The following DENND5A variants were observed in gnomAD, a reference collection of about 807,000 sequenced individuals.
DENND5A encodes DENN domain-containing protein 5A.
DENND5A carries 64 observed loss-of-function variants against 140.3 expected under a neutral mutation model. The observed-to-expected ratio is 0.46, with a 90% CI of 0.37 to 0.56. The LOEUF is 0.56. Ranked by LOEUF, DENND5A falls within the 20% of genes least tolerant of loss-of-function variation. The probability of loss-of-function intolerance (pLI) is 0.00; values close to 1 mark genes in which losing one functional copy is unlikely to be tolerated. For missense variants in DENND5A, 1,292 were observed against 1,593.8 expected (o/e 0.81, Z 3.22); for synonymous variants, 605 against 607.7 (o/e 1.00, Z 0.07).
intron 1 of DENND5A, among the ~76,000 whole-genome samples, chr11:9,213,958 G>C (rs1271624665): frequency 1.3e-5 from 2 of 152,090 alleles, no homozygotes; most frequent in African/African-American, 4.8e-5. Context: ...TCTGCAGCAA[G>C]AGTGATGAAA....
rs777452245 is a variant in DENND5A, at chr11:9,204,065, C to T, written c.544G>A (p.Asp182Asn). The T allele has an allele frequency of 2.5e-5, 40 of 1,614,076 alleles. No homozygotes were observed. Among genetic ancestry groups the T allele is most frequent in the Admixed American group, 1.3e-4 (8 of 59,986 alleles). Reference protein sequence around the residue: ...RDQSSMEDGEDTPVTKLQRFN... With the variant: ...RDQSSMEDGENTPVTKLQRFN... ...CGCTGCAGTTTGGTCACAGGAGTGT[C>T]TTCACCATCCTCCATGCTGCTCTGG... The change falls in exon 4 of 23, where the codon GAC becomes AAC. Residue 182 changes from aspartate to asparagine, a missense_variant. Physicochemically the swap from Asp to Asn is conservative, Grantham distance 23. Around this residue, in one of 4 missense-constraint regions of DENND5A, gnomAD observed 566 missense variants for 650.4 expected, o/e 0.87. Transcript: ENST00000328194.
At chr11:9,252,030 T>C (rs998315017) in intron 1 of DENND5A, among the ~76,000 whole-genome samples, 3 of 149,884 alleles carry the variant, frequency 2.0e-5, no homozygotes, top group Non-Finnish European at 3.0e-5. Context: ...CCAGGTGCAG[T>C]GGCTCATGCC....
intron 1 of DENND5A, among the ~76,000 whole-genome samples, chr11:9,246,278 A>G (rs944165469): frequency 6.6e-6 from 1 of 152,144 alleles, no homozygotes; most frequent in Non-Finnish European, 1.5e-5. Context: ...AGAAATTCAG[A>G]CACCCACTGA....
chr11:9,146,102 AAACAATATCCCC>A (rs1452031452), intron 16 of DENND5A, among the ~76,000 whole-genome samples: 1 of 152,252 alleles, frequency 6.6e-6, no homozygotes, highest in Non-Finnish European at 1.5e-5. Flanking sequence ...CCTGTTCGTT[AAACAATATCCCC>A]AACTCCTAAC....
At chr11:9,148,866 G>A (rs1452672118) in intron 15 of DENND5A, among the ~76,000 whole-genome samples, 2 of 152,166 alleles carry the variant, frequency 1.3e-5, no homozygotes, top group African/African-American at 4.8e-5. Context: ...AGAGGTGAGA[G>A]AAGTCATGAG....
chr11:9,227,896 G>A (rs1850597679), intron 1 of DENND5A, among the ~76,000 whole-genome samples: 1 of 151,758 alleles, frequency 6.6e-6, no homozygotes, highest in African/African-American at 2.4e-5. Flanking sequence ...GGCGAATCAC[G>A]AGGTCAGGGG....
Position 9,168,541 on chromosome 11 carries a change from A to G in DENND5A, c.2151+1315T>C, listed in dbSNP as rs942888136. ...TTCTGACCAAGAAAATGTGGTCAAT[A>G]AACACTGCTGAAAATAGTAATGAGG... is the stretch of plus-strand genomic sequence containing the variant. On this transcript the variant is annotated intron_variant, in intron 10 of 22. Coordinates refer to ENST00000328194, the MANE Select transcript of DENND5A (RefSeq NM_015213.4). Among the ~76,000 whole-genome samples, 5 of 152,190 alleles carry G rather than the reference A, an allele frequency of 3.3e-5. No homozygotes were observed. In the East Asian group the frequency reaches 9.6e-4, roughly 29 times the overall value.
chr11:9,229,925 G>C (rs1331474708), intron 1 of DENND5A, among the ~76,000 whole-genome samples: 1 of 22,068 alleles, frequency 4.5e-5, no homozygotes, highest in African/African-American at 1.9e-4. Context: ...TTTTTTTTTT[G>C]AGACAGTCTT....
intron 8 of DENND5A, chr11:9,176,800 C>G (rs930995864): frequency 7.1e-6 from 3 of 424,906 alleles, no homozygotes; most frequent in Non-Finnish European, 4.7e-6. Context: ...TTCTTTCTTG[C>G]TCATAGACCT....
intron 1 of DENND5A, among the ~76,000 whole-genome samples, chr11:9,228,137 C>T (rs371877600): frequency 1.5e-5 from 2 of 133,074 alleles, no homozygotes; most frequent in African/African-American, 5.8e-5. Flanking sequence ...AAAAAACTTA[C>T]ATTTGGTCTT....
At chr11:9,208,658 T>TA (rs1189573116) in intron 1 of DENND5A, among the ~76,000 whole-genome samples, 1 of 152,232 alleles carries the variant, frequency 6.6e-6, no homozygotes, top group African/African-American at 2.4e-5. Flanking sequence ...GCAGCTCACT[T>TA]ATTCACAATT....
intron 8 of DENND5A, chr11:9,176,769 T>C: frequency 2.6e-6 from 1 of 390,980 alleles, no homozygotes; most frequent in South Asian, 1.9e-5. Context: ...ATCAACTGCT[T>C]ACTCATAATT....
intron 5 of DENND5A, among the ~76,000 whole-genome samples, chr11:9,188,827 G>C (rs1280901523): frequency 1.3e-5 from 2 of 152,192 alleles, no homozygotes; most frequent in Admixed American, 6.5e-5. Context: ...AAGGGAAACA[G>C]AGCATAAAAG....
intron 5 of DENND5A, among the ~76,000 whole-genome samples, chr11:9,182,902 A>T (rs551907279): frequency 1.4e-3 from 211 of 152,336 alleles, no homozygotes; most frequent in Non-Finnish European, 2.6e-3. Flanking sequence ...GCTAGAAAAG[A>T]GGATTCTGAA....
At chr11:9,150,283 A>T in intron 14 of DENND5A, 74 bp from the exon 15 acceptor site, 1 of 1,546,806 alleles carries the variant, frequency 6.5e-7, no homozygotes, top group Non-Finnish European at 8.8e-7. Context: ...TTACCTGTAA[A>T]GCCAAAGGAG....
At chr11:9,222,853 G>C (rs1215072125) in intron 1 of DENND5A, among the ~76,000 whole-genome samples, 1 of 152,224 alleles carries the variant, frequency 6.6e-6, no homozygotes, top group African/African-American at 2.4e-5. Context: ...CTGCAGTGGA[G>C]CAATAAGCTG....
chr11:9,183,637 C>T (rs1025311199), intron 5 of DENND5A, among the ~76,000 whole-genome samples: 5 of 151,992 alleles, frequency 3.3e-5, no homozygotes, highest in Non-Finnish European at 7.4e-5. Context: ...GAACTCCTGG[C>T]CTCAAGCAAT....
At chr11:9,207,891 T>A in intron 1 of DENND5A, among the ~76,000 whole-genome samples, 1 of 152,274 alleles carries the variant, frequency 6.6e-6, no homozygotes, top group Non-Finnish European at 1.5e-5. Flanking sequence ...ATTATCATAA[T>A]TCAGTTTGAA....
intron 1 of DENND5A, among the ~76,000 whole-genome samples, chr11:9,219,062 ATAAAAT>A (rs2136232581): frequency 6.6e-6 from 1 of 152,188 alleles, no homozygotes; most frequent in Non-Finnish European, 1.5e-5. Flanking sequence ...TTAAGAAATA[ATAAAAT>A]TAGAGTCCAT....
Sources: allele counts gnomAD v4.1 joint callset (sites outside exome capture counted in the v4.1 genomes callset), GRCh38; gene constraint gnomAD v4.1.1; regional missense constraint gnomAD v4.1.1; transcripts MANE v1.5; gene names NCBI Gene and HGNC (gene_info 2026-07-23, HGNC 2026-07-21).